Variants in CSMD1 observed in about 807,000 individuals in gnomAD.
The protein encoded by CSMD1 is CUB and Sushi multiple domains 1.
In CSMD1, 213 loss-of-function variants were observed where a neutral mutation model predicts 417.5. The observed-to-expected ratio is 0.51, with a 90% CI of 0.46 to 0.57. The LOEUF (loss-of-function observed/expected upper bound fraction) is 0.57. Among genes scored for constraint, CSMD1 ranks in the 20% least tolerant of loss-of-function variants. The pLI is 0.00. For missense variants in CSMD1, 6,923 were observed against 4,529.7 expected (o/e 1.53, Z -15.17); for synonymous variants, 2,862 against 1,736.8 (o/e 1.65, Z -16.11).
chr8:3,717,220 T>G (rs1438565005), intron 6 of CSMD1, among the ~76,000 whole-genome samples: 1 of 152,202 alleles, frequency 6.6e-6, no homozygotes, highest in Non-Finnish European at 1.5e-5. Flanking sequence ...ATTATATTAG[T>G]AAACGTACCT....
At chr8:4,891,480 A>T (rs185745683) in intron 1 of CSMD1, among the ~76,000 whole-genome samples, 56 of 152,290 alleles carry the variant, frequency 3.7e-4, no homozygotes, top group Admixed American at 1.8e-3. Flanking sequence ...CTTAATTTGA[A>T]AGGTCTGTAA....
chr8:3,551,658 G>A (rs755650999), intron 10 of CSMD1, among the ~76,000 whole-genome samples: 1 of 144,028 alleles, frequency 6.9e-6, no homozygotes, highest in Non-Finnish European at 1.5e-5. Flanking sequence ...TTAATACCAA[G>A]CCAGTGTATA....
chr8:3,728,489 A>G lies in CSMD1; in HGVS notation c.932-19998T>C, dbSNP rs115806851. 3.9e-3 allele frequency among the ~76,000 whole-genome samples: 596 copies of G among 152,304 alleles called. 4 individuals are homozygous for G. The highest frequency in any genetic ancestry group is 0.014 in the African/African-American group (567 of 41,568). On this transcript the variant is annotated intron_variant, in intron 6 of 69. Transcript: ENST00000635120. The stretch of plus-strand genomic sequence containing the variant: ...GTTTATCGTAACAGAGTAGCAAATA[A>G]TAAGTAAAATAATAAAACTTAGCAC...
intron 2 of CSMD1, among the ~76,000 whole-genome samples, chr8:4,454,447 C>G (rs569966074): frequency 6.6e-6 from 1 of 152,232 alleles, no homozygotes; most frequent in Non-Finnish European, 1.5e-5. Context: ...TCTGGCTACA[C>G]CGCCGTTTGA....
In CSMD1 at chr8:4,344,856, A is replaced by T. The variant is rs967325233; in HGVS notation, c.415+75097T>A. The stretch of plus-strand genomic sequence containing the variant: ...AAAGGATCTTTGAGAACCTTTAAAA[A>T]TATTTACCTAGCGATAAGGACAACT... On this transcript the variant is annotated intron_variant, in intron 3 of 69. Transcript: ENST00000635120. Among the ~76,000 whole-genome samples the T allele has an allele frequency of 7.9e-5, 12 of 152,266 alleles. No individual in the cohort carries two copies. The South Asian group carries it at 2.3e-3, about 29-fold the overall frequency.
chr8:2,950,167 G>C (rs926915646), intron 67 of CSMD1, 64 bp downstream of exon 67: 2 of 1,063,736 alleles, frequency 1.9e-6, no homozygotes, highest in African/African-American at 3.1e-5. Flanking sequence ...CGTAGCCCTT[G>C]CATCTGCACA....
Position 2,949,365 on chromosome 8 carries a change from C to T in CSMD1, c.10336G>A (p.Gly3446Arg), listed in dbSNP as rs1802465256. ...ATGTCACCTTGAAAAGTAAATCCTC[C>T]TCTTTCAAGTCCAGATGACACCTGA... The part of the protein sequence containing the change: ...DGYVSSGLER[G>R]GFTFQGDIHG... The change falls in exon 68 of 70, where the codon GGA becomes AGA. Residue 3446 changes from glycine (G) to arginine (R), a missense_variant. Physicochemically the swap from Gly to Arg is moderately radical, Grantham distance 125 (BLOSUM62 -2). Transcript: ENST00000635120. 1 of 1,602,756 alleles carries T rather than the reference C, an allele frequency of 6.2e-7. No individual in the cohort carries two copies. The highest frequency in any genetic ancestry group is 8.5e-7 in the Non-Finnish European group (1 of 1,173,958).
chr8:3,987,995 A>G (rs1814465625), intron 5 of CSMD1, among the ~76,000 whole-genome samples: 1 of 152,236 alleles, frequency 6.6e-6, no homozygotes, highest in Admixed American at 6.5e-5. Flanking sequence ...AATTTTCTTG[A>G]AAAGAGCTCA....
rs562513069 is a variant in CSMD1, at chr8:4,384,334, G to A, written c.415+35619C>T. ...GTTCCGAAATCTACCTCATGGCAACGCACACACCACAATGCAACGCATCTG... is the reference window on the plus strand; with the variant it reads ...GTTCCGAAATCTACCTCATGGCAACACACACACCACAATGCAACGCATCTG... On this transcript the variant is annotated intron_variant, in intron 3 of 69. Transcript: ENST00000635120. 4.3e-4 allele frequency among the ~76,000 whole-genome samples: 66 copies of A among 152,048 alleles called. 2 individuals are homozygous for A. In the South Asian group the frequency reaches 0.012, roughly 27 times the overall value.
chr8:3,878,466 A>T (rs1389422720), intron 5 of CSMD1, among the ~76,000 whole-genome samples: 1 of 152,162 alleles, frequency 6.6e-6, no homozygotes, highest in Non-Finnish European at 1.5e-5. Flanking sequence ...ACATGAACAG[A>T]CTCTTAAATA....
chr8:3,146,200 G>C (rs1184002103), intron 40 of CSMD1, among the ~76,000 whole-genome samples: 1 of 152,146 alleles, frequency 6.6e-6, no homozygotes, highest in Non-Finnish European at 1.5e-5. Flanking sequence ...AGATAATGGG[G>C]TAAGGCAGAC....
At chr8:3,838,557 GATAT>G (rs368287244) in intron 5 of CSMD1, among the ~76,000 whole-genome samples, 10 of 135,116 alleles carry the variant, frequency 7.4e-5, no homozygotes, top group Non-Finnish European at 1.1e-4. Flanking sequence ...ACTCTCTGTA[GATAT>G]ATATAGTCTC....
chr8:3,336,534 G>A lies in CSMD1; in HGVS notation c.3631+6760C>T, dbSNP rs368693186. ...CAGATAAAATCAACACTGGGAAAAA[G>A]TGTGGTGGTTGGGATTGAACAGAGT... On this transcript the variant is annotated intron_variant, in intron 23 of 69. Transcript: ENST00000635120. 3.4e-4 allele frequency among the ~76,000 whole-genome samples: 52 copies of A among 152,320 alleles called. 1 individual carries two copies. In the East Asian group the frequency reaches 4.6e-3, roughly 14 times the overall value.
intron 5 of CSMD1, among the ~76,000 whole-genome samples, chr8:3,846,369 AT>A (rs1332669235): frequency 6.6e-6 from 1 of 152,168 alleles, no homozygotes; most frequent in Non-Finnish European, 1.5e-5. Context: ...AAATGTCTTT[AT>A]GTGGTGCATG....
intron 7 of CSMD1, among the ~76,000 whole-genome samples, chr8:3,694,160 G>A (rs574951253): frequency 6.6e-6 from 1 of 152,040 alleles, no homozygotes; most frequent in South Asian, 2.1e-4. Flanking sequence ...CTGGAGAGGG[G>A]CTCACAGATC....
At chr8:3,056,767 T>C (rs925468427) in intron 49 of CSMD1, among the ~76,000 whole-genome samples, 1 of 150,790 alleles carries the variant, frequency 6.6e-6, no homozygotes, top group African/African-American at 2.5e-5. Flanking sequence ...ACTTTAAATA[T>C]GTATACACAT....
At chr8:4,094,655 C>T (rs78297355) in intron 3 of CSMD1, among the ~76,000 whole-genome samples, 216 of 152,180 alleles carry the variant, frequency 1.4e-3, no homozygotes, top group African/African-American at 4.8e-3. Context: ...GTGGAAGTAG[C>T]GACCGCACTT....
chr8:4,346,775 G>C (rs1021186265), intron 3 of CSMD1, among the ~76,000 whole-genome samples: 9 of 152,060 alleles, frequency 5.9e-5, no homozygotes, highest in Non-Finnish European at 7.4e-5. Context: ...ATTCAAAGGA[G>C]ACAAGTCAGT....
At chr8:3,897,271 C>G (rs1026088978) in intron 5 of CSMD1, among the ~76,000 whole-genome samples, 4 of 152,146 alleles carry the variant, frequency 2.6e-5, no homozygotes, top group Admixed American at 1.3e-4. Flanking sequence ...GTGTGACTAG[C>G]AATTTTAATT....
Sources: allele counts gnomAD v4.1 joint callset (sites outside exome capture counted in the v4.1 genomes callset), GRCh38; gene constraint gnomAD v4.1.1; transcripts MANE v1.5; gene names NCBI Gene and HGNC (gene_info 2026-07-23, HGNC 2026-07-21).